Variants in NLRP4 observed in about 807,000 individuals in gnomAD.
NLRP4 encodes NLR family pyrin domain containing 4.
NLRP4 carries 44 observed loss-of-function variants against 84.7 expected under a neutral mutation model. The ratio of observed to expected loss-of-function variants is 0.52; its 90% CI spans 0.41 to 0.67. The LOEUF is 0.67. NLRP4 is among the 30% of genes least tolerant of loss of function. The probability of loss-of-function intolerance (pLI) is 0.00; values close to 1 mark genes in which losing one functional copy is unlikely to be tolerated. For missense variants in NLRP4, 1,260 were observed against 1,219.4 expected, an observed-to-expected ratio of 1.03 and a Z score of -0.50; for synonymous variants, 544 against 476.4, an observed-to-expected ratio of 1.14 and a Z score of -1.85.
Position 55,858,561 on chromosome 19 carries a change from C to T in NLRP4, c.1168C>T (p.Pro390Ser), listed in dbSNP as rs780628871. Residue 390 changes from proline to serine, a missense_variant, in exon 3 of 10, where the codon CCG becomes TCG. This residue lies in a region of NLRP4 where 712 missense variants were observed against 669.2 expected (regional missense o/e 1.06). Coordinates refer to ENST00000301295, the MANE Select transcript of NLRP4 (RefSeq NM_134444.5). This position sits in a 1 kb window ranked among gnomAD's most constrained non-coding sequence, Gnocchi z 4.2. ...FTPEGAEGPT[P>S]QTQHQLKALC... is the part of the protein sequence containing the mutation. Reference sequence around the variant, plus strand: ...ACCTGAGGGTGCCGAGGGCCCGACTCCGCAAACCCAGCACCAGCTGAAGGC... The same window carrying T: ...ACCTGAGGGTGCCGAGGGCCCGACTTCGCAAACCCAGCACCAGCTGAAGGC... The T allele has an allele frequency of 1.2e-6, 2 of 1,614,176 alleles. No individual in the cohort carries two copies. The highest frequency in any genetic ancestry group is 1.7e-6 in the Non-Finnish European group (2 of 1,180,028).
At chr19:55,857,641 G>T (rs199796732) in intron 2 of NLRP4, 33 bp from the exon 3 acceptor site, 76 of 1,596,388 alleles carry the variant, frequency 4.8e-5, no homozygotes, top group Non-Finnish European at 5.6e-5. Context: ...TTAACTTTGT[G>T]GGTTTTCTCT....
intron 1 of NLRP4, among the ~76,000 whole-genome samples, chr19:55,844,616 C>T (rs74731047): frequency 0.018 from 2,791 of 152,176 alleles, 90 homozygotes; most frequent in African/African-American, 0.064. Context: ...TATATTGGAT[C>T]GGGGGCCCAC....
At chr19:55,878,574 A>G (rs528828329) in intron 8 of NLRP4, among the ~76,000 whole-genome samples, 1 of 152,336 alleles carries the variant, frequency 6.6e-6, no homozygotes, top group Non-Finnish European at 1.5e-5. Flanking sequence ...ATGAGCTGCA[A>G]AGTCACATTG....
At chr19:55,880,508 A>G (rs1324390754) in intron 9 of NLRP4, among the ~76,000 whole-genome samples, 1 of 152,244 alleles carries the variant, frequency 6.6e-6, no homozygotes, top group East Asian at 1.9e-4. Context: ...TATGCATCAG[A>G]TAATGTGATA....
chr19:55,861,476 C>T lies in NLRP4; in HGVS notation c.1947C>T (p.Thr649=). The T allele has an allele frequency of 6.2e-7, 1 of 1,614,158 alleles. No homozygotes were observed. The highest frequency in any genetic ancestry group is 8.5e-7 in the Non-Finnish European group (1 of 1,180,010). ...GAGAGCTCCAGGTGCAGGACAGCAC[C>T]CTCAGCGAGTCGACCTTTGTGACCT... The part of the protein sequence containing the change: ...HLRELQVQDS[T]LSESTFVTWC... The change falls in exon 4 of 10, where the codon ACC becomes ACT. Residue 649 remains threonine (T), a synonymous_variant. Coordinates refer to ENST00000301295, the MANE Select transcript of NLRP4 (RefSeq NM_134444.5).
intron 3 of NLRP4, among the ~76,000 whole-genome samples, chr19:55,861,104 C>T (rs1463112391): frequency 6.6e-6 from 1 of 152,148 alleles, no homozygotes; most frequent in Non-Finnish European, 1.5e-5. Context: ...TCAGAAACAT[C>T]CCTGGTCTGT....
chr19:55,875,954 C>T (rs905447949), intron 7 of NLRP4, among the ~76,000 whole-genome samples: 3 of 152,068 alleles, frequency 2.0e-5, no homozygotes, highest in African/African-American at 7.2e-5. Context: ...GGAGAATCAC[C>T]TGAACCCGTG....
At chr19:55,847,139 T>G (rs553233883) in intron 1 of NLRP4, among the ~76,000 whole-genome samples, 8 of 149,202 alleles carry the variant, frequency 5.4e-5, no homozygotes, top group African/African-American at 1.8e-4. Context: ...TTCTCCAAAT[T>G]ACCTATTTTA....
At chr19:55,839,324 C>G (rs1983515957) in intron 1 of NLRP4, among the ~76,000 whole-genome samples, 1 of 120,216 alleles carries the variant, frequency 8.3e-6, no homozygotes, top group African/African-American at 3.3e-5. Flanking sequence ...TGTGTGTGCT[C>G]TTTCACACAC....
At chr19:55,870,306 C>T (rs1453229113) in intron 6 of NLRP4, among the ~76,000 whole-genome samples, 2 of 152,172 alleles carry the variant, frequency 1.3e-5, no homozygotes, top group Non-Finnish European at 2.9e-5. Flanking sequence ...TGCCATATTA[C>T]ACGATACTTT....
intron 7 of NLRP4, among the ~76,000 whole-genome samples, chr19:55,875,336 G>C (rs1985328906): frequency 6.6e-6 from 1 of 152,166 alleles, no homozygotes; most frequent in African/African-American, 2.4e-5. Context: ...AAGAAAATCT[G>C]TAGCTAAGTT....
intron 3 of NLRP4, 65 bp from the exon 4 acceptor site, chr19:55,861,321 T>A: frequency 1.5e-6 from 2 of 1,366,568 alleles, no homozygotes; most frequent in Middle Eastern, 1.9e-4. Flanking sequence ...GTAGTGCGTA[T>A]ATGTGTTACA....
intron 1 of NLRP4, among the ~76,000 whole-genome samples, chr19:55,847,289 G>A (rs949575123): frequency 6.6e-6 from 1 of 152,090 alleles, no homozygotes; most frequent in African/African-American, 2.4e-5. Context: ...AGACAAAGAA[G>A]ATGACTTTGC....
intron 9 of NLRP4, among the ~76,000 whole-genome samples, chr19:55,879,846 A>G (rs2123074498): frequency 6.6e-6 from 1 of 152,200 alleles, no homozygotes; most frequent in African/African-American, 2.4e-5. Flanking sequence ...AATACAAATT[A>G]TGATACATGT....
At chr19:55,880,358 C>G (rs779353595) in intron 9 of NLRP4, among the ~76,000 whole-genome samples, 12 of 152,218 alleles carry the variant, frequency 7.9e-5, no homozygotes, top group Non-Finnish European at 1.5e-4. Flanking sequence ...TGTCTGCATT[C>G]TGAGTCACGG....
intron 9 of NLRP4, among the ~76,000 whole-genome samples, chr19:55,881,136 C>CGTGTGTGTGTGTGTGTGTGT (rs56806641): frequency 0.14 from 19,103 of 139,138 alleles, 1,673 homozygotes; most frequent in East Asian, 0.25. Context: ...GTGAGAGCCA[C>CGTGTGTGTGTGTGTGTGTGT]GTGTGTGTGT....
chr19:55,865,142 C>T (rs190480860), intron 5 of NLRP4, among the ~76,000 whole-genome samples: 1 of 152,094 alleles, frequency 6.6e-6, no homozygotes, highest in African/African-American at 2.4e-5. Flanking sequence ...TCTTCCCACC[C>T]TCTGCTCTCA....
chr19:55,844,722 T>G (rs1381223289), intron 1 of NLRP4, among the ~76,000 whole-genome samples: 1 of 152,184 alleles, frequency 6.6e-6, no homozygotes, highest in African/African-American at 2.4e-5. Context: ...CAGTTGCACT[T>G]TGTGACCTCC....
chr19:55,878,723 C>T, intron 8 of NLRP4, 71 bp from the exon 9 acceptor site: 2 of 1,399,418 alleles, frequency 1.4e-6, no homozygotes, highest in Non-Finnish European at 2.0e-6. Context: ...AACTAGACGT[C>T]TAGCTCACAT....
Sources: allele counts gnomAD v4.1 joint callset (sites outside exome capture counted in the v4.1 genomes callset), GRCh38; gene constraint gnomAD v4.1.1; regional missense constraint gnomAD v4.1.1; non-coding constraint Gnocchi (gnomAD v3.1); transcripts MANE v1.5; gene names NCBI Gene and HGNC (gene_info 2026-07-23, HGNC 2026-07-21).